STS: variants seen among roughly 807,000 people sequenced by gnomAD.
STS encodes the protein steryl-sulfatase.
STS carries 7 observed loss-of-function variants against 26.8 expected under a neutral mutation model. That is an observed-to-expected ratio of 0.26 (90% confidence interval 0.15 to 0.49). The LOEUF is 0.49. Among genes scored for constraint, STS ranks in the 20% least tolerant of loss-of-function variants. The pLI is 0.98. For synonymous variants in STS, 199 were observed against 189.4 expected (o/e 1.05, Z -0.42); for missense variants, 434 against 465.6 (o/e 0.93, Z 0.63).
At chrX:7,184,582 T>A (rs1271803310) in intron 1 of STS, among the ~76,000 whole-genome samples, 7 of 111,609 alleles carry the variant, frequency 6.3e-5, no homozygotes. Flanking sequence ...TTCCACAGTC[T>A]TGGGTGACAC....
chrX:7,228,095 G>A (rs1921897538), intron 2 of STS, among the ~76,000 whole-genome samples: 1 of 110,005 alleles, frequency 9.1e-6, no homozygotes, highest in Non-Finnish European at 1.9e-5. Context: ...TATAGACCAT[G>A]TTTTTTTTTG....
intron 1 of STS, among the ~76,000 whole-genome samples, chrX:7,178,557 C>A (rs1933617473): frequency 9.0e-6 from 1 of 111,635 alleles, no homozygotes; most frequent in African/African-American, 3.3e-5. Flanking sequence ...CCTCTCTCCA[C>A]TCCGAAAACA....
At chrX:7,271,778 A>T (rs1601703073) in intron 6 of STS, among the ~76,000 whole-genome samples, 1 of 101,545 alleles carries the variant, frequency 9.8e-6, no homozygotes, top group African/African-American at 3.6e-5. Flanking sequence ...CTTGTTTCAT[A>T]TTCTTGTAAA....
At chrX:7,300,159 A>G (rs1345870604) in intron 7 of STS, among the ~76,000 whole-genome samples, 1 of 112,207 alleles carries the variant, frequency 8.9e-6, no homozygotes, top group African/African-American at 3.2e-5. Flanking sequence ...AGGTCTGGTT[A>G]GGAAGCCCTC....
chrX:7,192,004 G>T (rs1252322682), intron 2 of STS, among the ~76,000 whole-genome samples: 1 of 112,583 alleles, frequency 8.9e-6, no homozygotes, highest in African/African-American at 3.2e-5. Flanking sequence ...TCTTGGACAT[G>T]TCTGGACCAC....
chrX:7,251,428 ACT>A, intron 2 of STS, among the ~76,000 whole-genome samples: 1 of 111,165 alleles, frequency 9.0e-6, no homozygotes. Flanking sequence ...GTCCTTAGTG[ACT>A]CTGGGGGAGC....
chrX:7,288,251 AT>A lies in STS; in HGVS notation c.943+12176del, dbSNP rs1186036094. Among the ~76,000 whole-genome samples the A allele has an allele frequency of 1.8e-3, 177 of 100,644 alleles. 1 individual carries two copies. Among genetic ancestry groups the A allele is most frequent in the African/African-American group, 2.6e-3 (73 of 27,609 alleles). The allele number at this position is 100,644 out of a possible 115,157, so 87.4% of individuals were successfully genotyped here. ...GATGTCTGGGGCTTGTAATTGGAAGATTTTTTTTTTTTAAAGCTTTTCTTAC... is the reference window on the plus strand; with the variant it reads ...GATGTCTGGGGCTTGTAATTGGAAGATTTTTTTTTTTAAAGCTTTTCTTAC... On this transcript the variant is annotated intron_variant, in intron 7 of 10. Transcript: ENST00000674429.
At chrX:7,205,957 G>C (rs781590478) in intron 2 of STS, among the ~76,000 whole-genome samples, 1 of 110,314 alleles carries the variant, frequency 9.1e-6, no homozygotes, top group South Asian at 4.1e-4. Context: ...TTGCATAATT[G>C]TCTTGTACCA....
chrX:7,283,796 C>A (rs1304310354), intron 7 of STS, among the ~76,000 whole-genome samples: 2 of 111,108 alleles, frequency 1.8e-5, no homozygotes, highest in African/African-American at 6.6e-5. Context: ...GAGCTGGTGG[C>A]TTGTGATGAT....
intron 1 of STS, among the ~76,000 whole-genome samples, chrX:7,175,530 A>G (rs757420908): frequency 7.2e-5 from 8 of 110,768 alleles, no homozygotes; most frequent in Non-Finnish European, 1.3e-4. Context: ...ACCTCTGTAC[A>G]TATCAGCTTC....
rs182008849 is a variant in STS at position 7,336,134 on chromosome X, A to G, written c.1363+2027A>G. Among the ~76,000 whole-genome samples the G allele has an allele frequency of 3.6e-4, 40 of 111,308 alleles. No homozygotes were observed. The East Asian group carries it at 0.011, about 32-fold the overall frequency. On this transcript the variant is annotated intron_variant, in intron 10 of 10. Transcript: ENST00000674429. ...AATTTACACAATTATTGTATGTTCT[A>G]GAGGTACCTGTTGAGGCTGGACTTT...
chrX:7,161,336 T>A (rs1312149830), intron 1 of STS, among the ~76,000 whole-genome samples: 1 of 111,991 alleles, frequency 8.9e-6, no homozygotes, highest in Non-Finnish European at 1.9e-5. Context: ...CTTTTTACAG[T>A]ATACTTGTGT....
At chrX:7,166,578 G>T (rs1933355507) in intron 1 of STS, among the ~76,000 whole-genome samples, 1 of 111,857 alleles carries the variant, frequency 8.9e-6, no homozygotes, top group Admixed American at 9.5e-5. Flanking sequence ...ATATGAAATG[G>T]ATTCCAGGAA....
At chrX:7,342,857 G>T (rs1480956464) in intron 10 of STS, among the ~76,000 whole-genome samples, 1 of 111,787 alleles carries the variant, frequency 8.9e-6, no homozygotes, top group Non-Finnish European at 1.9e-5. Flanking sequence ...TGTAAGAAAA[G>T]ATTTGAGGCA....
intron 10 of STS, among the ~76,000 whole-genome samples, chrX:7,338,797 T>C (rs1304193375): frequency 8.9e-6 from 1 of 112,498 alleles, no homozygotes; most frequent in Admixed American, 9.4e-5. Context: ...TGGTGATGGA[T>C]ATCCCAATTT....
intron 1 of STS, among the ~76,000 whole-genome samples, chrX:7,185,198 TG>T (rs776212397): frequency 8.9e-6 from 1 of 112,722 alleles, no homozygotes; most frequent in Admixed American, 9.4e-5. Context: ...AGAGCATTTT[TG>T]CTAGTTGAAT....
At chrX:7,285,438 A>C (rs1482348163) in intron 7 of STS, among the ~76,000 whole-genome samples, 1 of 112,181 alleles carries the variant, frequency 8.9e-6, no homozygotes, top group Non-Finnish European at 1.9e-5. Flanking sequence ...GCAGAATTTT[A>C]CTTCATGAAA....
rs374016250 is a variant in STS at position 7,148,071 on chromosome X, T to C, written c.-146T>C. ...TACCCACCCAGAAGAAGTCCGTCCA[T>C]GTCAAAGATGAGGTGGGTGACGGGC... On this transcript the variant is annotated 5_prime_UTR_variant, in exon 1 of 11. An upstream start codon of the reference 5' UTR is lost. Coordinates refer to ENST00000674429, the MANE Select transcript of STS (RefSeq NM_001320752.2). 1,105 of 1,135,641 alleles carry C rather than the reference T, an allele frequency of 9.7e-4. 1 individual carries two copies. Among genetic ancestry groups the C allele is most frequent in the Non-Finnish European group, 1.1e-3 (911 of 856,641 alleles). 93.6% of individuals were successfully genotyped at this position (1,135,641 alleles called of 1,213,427 possible).
intron 8 of STS, among the ~76,000 whole-genome samples, chrX:7,315,220 C>A (rs1332181405): frequency 8.9e-6 from 1 of 112,196 alleles, no homozygotes; most frequent in African/African-American, 3.2e-5. Flanking sequence ...GTGCATTAGA[C>A]AGTTTGTTCT....
Sources: gnomAD v4.1 joint callset for allele counts (sites outside exome capture counted in the v4.1 genomes callset) on GRCh38, gnomAD v4.1.1 for gene constraint, MANE v1.5 for transcripts, NCBI Gene and HGNC (gene_info 2026-07-23, HGNC 2026-07-21) for gene names.